CASP6: variants seen among roughly 807,000 people sequenced by gnomAD.
CASP6 encodes the protein caspase-6.
A neutral mutation model predicts 31.8 loss-of-function variants in CASP6; 20 were observed. The ratio of observed to expected loss-of-function variants is 0.63; its 90% confidence interval spans 0.44 to 0.91. The LOEUF is 0.91. Among genes scored for constraint, CASP6 ranks in the 40% least tolerant of loss-of-function variants. The pLI, the probability that CASP6 is intolerant of heterozygous loss-of-function variation, is 0.00. For synonymous variants in CASP6, 130 were observed against 127.8 expected (o/e 1.02, Z -0.12); for missense variants, 328 against 361.1 (o/e 0.91, Z 0.74).
upstream of CASP6, among the ~76,000 whole-genome samples, chr4:109,704,404 G>T (rs1366642855): frequency 6.6e-6 from 1 of 152,190 alleles, no homozygotes; most frequent in Non-Finnish European, 1.5e-5. Flanking sequence ...AAGCTAAACA[G>T]CCTTATTGCT....
the CASP6 span, chr4:109,682,722 C>T: frequency 4.3e-6 from 7 of 1,613,600 alleles, 1 homozygote; most frequent in Middle Eastern, 3.3e-4. Flanking sequence ...CCTGAAGGAA[C>T]AGCTGCAGCC....
chr4:109,694,358 C>G (rs1374089218), intron 5 of CASP6, among the ~76,000 whole-genome samples, 167 bp downstream of exon 5: 1 of 152,148 alleles, frequency 6.6e-6, no homozygotes, highest in East Asian at 1.9e-4. Context: ...ATGAGAGTGT[C>G]AAAGAATTAT....
At chr4:109,691,504 T>C (rs994002521) in intron 5 of CASP6, among the ~76,000 whole-genome samples, 1 of 152,206 alleles carries the variant, frequency 6.6e-6, no homozygotes, top group African/African-American at 2.4e-5. Context: ...CCATCTTCCT[T>C]GTGTGCCCAT....
At chr4:109,681,453 CT>C in the CASP6 span, 4 of 453,816 alleles carry the variant, frequency 8.8e-6, no homozygotes, top group Non-Finnish European at 1.8e-5. Flanking sequence ...ACCGGGGGTC[CT>C]TGCTCCCAGA....
intron 5 of CASP6, chr4:109,692,384 C>A (rs1002791771): frequency 1.3e-5 from 2 of 152,128 alleles, no homozygotes; most frequent in Non-Finnish European, 2.9e-5. Flanking sequence ...GCCCACACAA[C>A]CACCCCATGA....
At chr4:109,684,416 A>C (rs200646103), downstream of CASP6, 42 of 1,566,808 alleles carry the variant, frequency 2.7e-5, 1 homozygote, top group Middle Eastern at 3.5e-4. Context: ...TTGTAAACAG[A>C]ATTAACAGTT....
chr4:109,685,066 A>C, downstream of CASP6: 2 of 461,202 alleles, frequency 4.3e-6, no homozygotes, highest in Non-Finnish European at 7.6e-6. Context: ...TGAAAGGAGC[A>C]GCAGATCTTA....
downstream of CASP6, among the ~76,000 whole-genome samples, chr4:109,683,693 C>T (rs1729767042): frequency 6.6e-6 from 1 of 152,162 alleles, no homozygotes; most frequent in Non-Finnish European, 1.5e-5. Flanking sequence ...CACAGAGCTT[C>T]ATTACAGTTG....
At chr4:109,691,339 A>ACCT (rs1349733666) in intron 5 of CASP6, among the ~76,000 whole-genome samples, 3 of 152,210 alleles carry the variant, frequency 2.0e-5, no homozygotes, top group African/African-American at 7.2e-5. Context: ...ACACGGTGTT[A>ACCT]CCTTCCCTTT....
At chr4:109,674,106 G>A in the CASP6 span, 21 of 1,449,142 alleles carry the variant, frequency 1.4e-5, no homozygotes, top group East Asian at 6.8e-5. Context: ...GGGAATTCTG[G>A]GCAAAACCTA....
chr4:109,677,467 C>T, the CASP6 span, among the ~76,000 whole-genome samples: 1,680 of 152,154 alleles, frequency 0.011, 35 homozygotes, highest in African/African-American at 0.038. Flanking sequence ...TTTGAGGGGC[C>T]GGGGCAGAAT....
chr4:109,690,968 C>T lies in CASP6; in HGVS notation c.525G>A (p.Leu175=). The T allele has an allele frequency of 6.2e-7, 1 of 1,613,594 alleles. No individual in the cohort carries two copies. The highest frequency in any genetic ancestry group is 8.5e-7 in the Non-Finnish European group (1 of 1,179,814). Residue 175 remains leucine (L), a synonymous_variant, in exon 6 of 7, where the codon TTG becomes TTA. Coordinates refer to ENST00000265164, the MANE Select transcript of CASP6 (RefSeq NM_001226.4). ...GNQHDVPVIP[L]DVVDNQTEKL... ...TCTCTGTCTGATTATCTACTACATCCAAAGGAATGACTGGCACATCGTGCT... is the reference window on the plus strand; with the variant it reads ...TCTCTGTCTGATTATCTACTACATCTAAAGGAATGACTGGCACATCGTGCT...
chr4:109,668,768 A>G, the CASP6 span, among the ~76,000 whole-genome samples: 2 of 148,444 alleles, frequency 1.3e-5, 1 homozygote, highest in Admixed American at 1.3e-4. Flanking sequence ...AGCATTCTGT[A>G]TATTTCATTT....
chr4:109,666,584 A>G, the CASP6 span, among the ~76,000 whole-genome samples: 2 of 152,086 alleles, frequency 1.3e-5, no homozygotes, highest in African/African-American at 2.4e-5. Flanking sequence ...TTTGCCATCT[A>G]TGTCTTCTTT....
upstream of CASP6, among the ~76,000 whole-genome samples, chr4:109,705,544 C>G (rs914040217): frequency 1.3e-5 from 2 of 151,952 alleles, no homozygotes; most frequent in African/African-American, 4.8e-5. Flanking sequence ...TAGTTCTGAG[C>G]AAAGTAAATT....
At chr4:109,686,897 A>G (rs907803136), downstream of CASP6, among the ~76,000 whole-genome samples, 4 of 152,060 alleles carry the variant, frequency 2.6e-5, no homozygotes, top group African/African-American at 9.7e-5. Context: ...AAATTTAAAT[A>G]TAACACCTTG....
chr4:109,682,455 G>T, the CASP6 span: 1 of 725,672 alleles, frequency 1.4e-6, no homozygotes, highest in Non-Finnish European at 2.3e-6. Flanking sequence ...TTACATGTTT[G>T]TACACCAGCT....
downstream of CASP6, among the ~76,000 whole-genome samples, chr4:109,684,035 G>A (rs559722038): frequency 2.5e-4 from 38 of 151,634 alleles, no homozygotes; most frequent in African/African-American, 8.9e-4. Flanking sequence ...AAGTAATGCA[G>A]ATGTGCATTT....
the CASP6 span, among the ~76,000 whole-genome samples, chr4:109,671,601 A>C: frequency 9.2e-5 from 14 of 151,980 alleles, no homozygotes; most frequent in African/African-American, 3.4e-4. Flanking sequence ...CTATCTCTCC[A>C]TTTACATTAC....
Sources: allele counts gnomAD v4.1 joint callset (sites outside exome capture counted in the v4.1 genomes callset), GRCh38; gene constraint gnomAD v4.1.1; transcripts MANE v1.5; gene names NCBI Gene and HGNC (gene_info 2026-07-23, HGNC 2026-07-21).